CCNH: variants seen among roughly 807,000 people sequenced by gnomAD.
CCNH encodes cyclin-H.
A neutral mutation model predicts 41.9 loss-of-function variants in CCNH; 31 were observed. The ratio of observed to expected loss-of-function variants is 0.74; its 90% CI spans 0.56 to 1.00. CCNH has a LOEUF of 1.00. Ranked by LOEUF, CCNH falls within the 50% of genes least tolerant of loss-of-function variation. The probability of loss-of-function intolerance (pLI) is 0.00; values close to 1 mark genes in which losing one functional copy is unlikely to be tolerated. For missense variants in CCNH, 362 were observed against 388.4 expected, an observed-to-expected ratio of 0.93 and a Z score of 0.57; for synonymous variants, 138 against 136.1, an observed-to-expected ratio of 1.01 and a Z score of -0.10.
At chr5:87,325,863 T>A (rs911526809) in intron 9 of CCNH, among the ~76,000 whole-genome samples, 17 of 152,314 alleles carry the variant, frequency 1.1e-4, no homozygotes, top group Admixed American at 9.2e-4. Context: ...ATTTTCTCAT[T>A]GCACAAATTT....
downstream of CCNH, among the ~76,000 whole-genome samples, chr5:87,375,521 A>T (rs183778031): frequency 1.5e-3 from 225 of 152,314 alleles, 2 homozygotes; most frequent in African/African-American, 5.1e-3. Flanking sequence ...TCGGCCTCCC[A>T]AAATGCTGGG....
chr5:87,338,536 A>ATATATATATATATATATATATTTTTTTT, intron 9 of CCNH, among the ~76,000 whole-genome samples: 2 of 85,214 alleles, frequency 2.3e-5, no homozygotes, highest in Admixed American at 1.3e-4. Context: ...TATATATAAA[A>ATATATATATATATATATATATTTTTTTT]TTTTTTTTTT....
chr5:87,412,425 CA>C, intron 1 of CCNH: 1 of 1,338,462 alleles, frequency 7.5e-7, no homozygotes, highest in Non-Finnish European at 9.6e-7. Flanking sequence ...TACCTTAGCA[CA>C]CTACTTACTC....
intron 9 of CCNH, among the ~76,000 whole-genome samples, chr5:87,340,886 A>G (rs184141363): frequency 6.6e-6 from 1 of 152,180 alleles, no homozygotes; most frequent in Non-Finnish European, 1.5e-5. Flanking sequence ...AGTATGAGAC[A>G]GGAAATGTAG....
downstream of CCNH, chr5:87,372,055 C>G: frequency 7.4e-7 from 1 of 1,350,726 alleles, no homozygotes; most frequent in Non-Finnish European, 1.0e-6. Context: ...AAAAACCTAA[C>G]TGATGATTTG....
chr5:87,409,348 A>G lies in CCNH; in HGVS notation c.256T>C (p.Tyr86His), dbSNP rs747372568. 2 of 1,567,674 alleles carry G rather than the reference A, an allele frequency of 1.3e-6. No homozygotes were observed. Among genetic ancestry groups the G allele is most frequent in the African/African-American group, 2.7e-5 (2 of 74,126 alleles). Residue 86 changes from tyrosine to histidine, a missense_variant, in exon 3 of 9, where the codon TAT becomes CAT. Coordinates refer to ENST00000256897, the MANE Select transcript of CCNH (RefSeq NM_001239.4). ...PRSVVGTACM[Y>H]FKRFYLNNSV... ...TTATTAAGATAAAAACGTTTGAAAT[A>G]CATACAAGCCGTACCCTAAGGGTTA... is the stretch of plus-strand genomic sequence containing the variant.
downstream of CCNH, chr5:87,374,784 T>A: frequency 6.3e-7 from 1 of 1,597,956 alleles, no homozygotes; most frequent in Non-Finnish European, 8.5e-7. Context: ...ACTAAAGAAA[T>A]AAGGTAGTTT....
chr5:87,385,471 AT>A, intron 9 of CCNH: 1 of 1,062,612 alleles, frequency 9.4e-7, no homozygotes, highest in Non-Finnish European at 1.4e-6. Context: ...GCTTAAGTAA[AT>A]TTTTAGCAGT....
At chr5:87,400,319 A>G (rs1423170628) in intron 6 of CCNH, among the ~76,000 whole-genome samples, 1 of 152,246 alleles carries the variant, frequency 6.6e-6, no homozygotes, top group Non-Finnish European at 1.5e-5. Context: ...CAAATATCTT[A>G]GTAGCATTAA....
Position 87,334,159 on chromosome 5 carries a change from C to T in CCNH, c.*91-15262G>A, listed in dbSNP as rs77068392. On this transcript the variant is annotated intron_variant and NMD_transcript_variant, in intron 9 of 9. Transcript: ENST00000645953. ...GATGGAGACAGTAAAGACCCACAAT[C>T]GGCTGTCTGCAATCTGAAAACCCAA... Among the ~76,000 whole-genome samples, 1,079 of 152,166 alleles carry T rather than the reference C, an allele frequency of 7.1e-3. 10 individuals are homozygous for T. Among genetic ancestry groups the T allele is most frequent in the Non-Finnish European group, 0.011 (721 of 68,002 alleles).
chr5:87,327,314 C>G (rs774661547), intron 9 of CCNH, among the ~76,000 whole-genome samples: 1 of 152,082 alleles, frequency 6.6e-6, no homozygotes, highest in South Asian at 2.1e-4. Context: ...GTCTTTTAAC[C>G]GTTCTACTAT....
intron 9 of CCNH, among the ~76,000 whole-genome samples, chr5:87,338,536 A>ATATATATATATATATTTTTTTT: frequency 1.2e-5 from 1 of 85,222 alleles, no homozygotes; most frequent in African/African-American, 4.4e-5. Flanking sequence ...TATATATAAA[A>ATATATATATATATATTTTTTTT]TTTTTTTTTT....
At chr5:87,387,157 G>C (rs533885281), downstream of CCNH, among the ~76,000 whole-genome samples, 7 of 151,880 alleles carry the variant, frequency 4.6e-5, no homozygotes, top group South Asian at 1.5e-3. Flanking sequence ...CATTTTTTAG[G>C]GTCTGTCTTG....
chr5:87,341,347 G>C lies in CCNH; in HGVS notation c.*91-22450C>G, dbSNP rs200593194. On this transcript the variant is annotated intron_variant and NMD_transcript_variant, in intron 9 of 9. Coordinates refer to the CCNH transcript ENST00000645953. Reference sequence around the variant, plus strand: ...GTGAGTTTGTGTTAATTATTAAAATGAAAAAAAAAATCTATATTGTAAATT... The same window carrying C: ...GTGAGTTTGTGTTAATTATTAAAATCAAAAAAAAAATCTATATTGTAAATT... The C allele has an allele frequency of 2.0e-5, 24 of 1,192,264 alleles. No individual in the cohort carries two copies. In the East Asian group the frequency reaches 6.6e-4, roughly 33 times the overall value. The allele number at this position is 1,192,264 out of a possible 1,614,324, so 73.9% of individuals were successfully genotyped here.
chr5:87,327,524 C>T (rs1437106285), intron 9 of CCNH, among the ~76,000 whole-genome samples: 1 of 152,110 alleles, frequency 6.6e-6, no homozygotes, highest in Non-Finnish European at 1.5e-5. Flanking sequence ...GTGGCATTGC[C>T]ATAGATTGGA....
chr5:87,356,380 GTTA>G (rs1759650539), intron 9 of CCNH, among the ~76,000 whole-genome samples: 1 of 148,538 alleles, frequency 6.7e-6, no homozygotes, highest in Non-Finnish European at 1.5e-5. Context: ...CTAGATGATT[GTTA>G]TTTTTTTTTT....
At chr5:87,394,765 A>G in intron 8 of CCNH, 1 of 1,347,530 alleles carries the variant, frequency 7.4e-7, no homozygotes, top group Non-Finnish European at 9.5e-7. Flanking sequence ...GTAAGGGAAA[A>G]ATCCTTGGAG....
downstream of CCNH, chr5:87,393,362 T>C (rs539242332): frequency 2.6e-5 from 4 of 152,148 alleles, no homozygotes; most frequent in Non-Finnish European, 5.9e-5. Flanking sequence ...TTATAATAGT[T>C]AACACTTACT....
At chr5:87,381,623 T>C (rs879052599), upstream of CCNH, among the ~76,000 whole-genome samples, 9 of 152,210 alleles carry the variant, frequency 5.9e-5, no homozygotes, top group African/African-American at 1.4e-4. Flanking sequence ...GGTTATGATA[T>C]GACATAATAT....
Sources: allele counts gnomAD v4.1 joint callset (sites outside exome capture counted in the v4.1 genomes callset), GRCh38; gene constraint gnomAD v4.1.1; transcripts MANE v1.5; gene names NCBI Gene and HGNC (gene_info 2026-07-23, HGNC 2026-07-21).